The following ARHGAP5 variants were observed in gnomAD, a reference collection of about 807,000 sequenced individuals.
The protein encoded by ARHGAP5 is Rho GTPase activating protein 5, also known as rho GTPase-activating protein 5.
Under a neutral mutation model 116.6 loss-of-function variants are expected in ARHGAP5, and 23 were observed. That is an observed-to-expected ratio of 0.20 (90% CI 0.14 to 0.28). The LOEUF (loss-of-function observed/expected upper bound fraction) is 0.28. Among genes scored for constraint, ARHGAP5 ranks in the 10% least tolerant of loss-of-function variants. ARHGAP5 has a pLI of 1.00. For missense variants in ARHGAP5, 1,405 were observed against 1,774.8 expected (o/e 0.79, Z 3.74); for synonymous variants, 574 against 602.0 (o/e 0.95, Z 0.68).
chr14:32,099,010 T>C (rs1404086338), intron 2 of ARHGAP5, among the ~76,000 whole-genome samples: 3 of 152,136 alleles, frequency 2.0e-5, no homozygotes, highest in African/African-American at 7.2e-5. Context: ...AAGCGAATCA[T>C]GATGAAAACT....
At chr14:32,118,969 C>G (rs913805275) in intron 3 of ARHGAP5, among the ~76,000 whole-genome samples, 3 of 152,016 alleles carry the variant, frequency 2.0e-5, no homozygotes, top group African/African-American at 4.8e-5. Context: ...AAATGCAGGT[C>G]TAGTCCAATT....
intron 6 of ARHGAP5, chr14:32,153,895 A>T (rs1881771356): frequency 6.6e-6 from 1 of 152,106 alleles, no homozygotes; most frequent in Admixed American, 6.6e-5. Flanking sequence ...CTCAAAAAAA[A>T]AAAGGAAGAA....
intron 2 of ARHGAP5, among the ~76,000 whole-genome samples, chr14:32,114,209 C>T (rs1418076781): frequency 2.7e-5 from 4 of 149,806 alleles, no homozygotes; most frequent in African/African-American, 9.9e-5. Context: ...GCCTGGGCCA[C>T]AGAGCTAGAC....
intron 2 of ARHGAP5, among the ~76,000 whole-genome samples, chr14:32,105,752 CTT>C (rs909404917): frequency 6.6e-6 from 1 of 152,142 alleles, no homozygotes; most frequent in African/African-American, 2.4e-5. Flanking sequence ...CTTGTTTTGT[CTT>C]TTTATAACTA....
chr14:32,080,884 G>T (rs2041765445), intron 1 of ARHGAP5, among the ~76,000 whole-genome samples: 1 of 152,096 alleles, frequency 6.6e-6, no homozygotes, highest in Non-Finnish European at 1.5e-5. Flanking sequence ...TTACTTCATA[G>T]AATTATTACT....
At chr14:32,134,058 A>G (rs999676074) in intron 3 of ARHGAP5, among the ~76,000 whole-genome samples, 1 of 152,210 alleles carries the variant, frequency 6.6e-6, no homozygotes, top group Admixed American at 6.5e-5. Context: ...ATGAACATCA[A>G]TGCAAAAATC....
chr14:32,141,588 C>T (rs1026547958), intron 3 of ARHGAP5, among the ~76,000 whole-genome samples: 2 of 152,100 alleles, frequency 1.3e-5, no homozygotes, highest in East Asian at 1.9e-4. Flanking sequence ...CCATAACCTT[C>T]GTTATTTATT....
intron 2 of ARHGAP5, among the ~76,000 whole-genome samples, chr14:32,101,723 C>A (rs1878801928): frequency 6.6e-6 from 1 of 151,524 alleles, no homozygotes; most frequent in Non-Finnish European, 1.5e-5. Context: ...GTGGCTCACA[C>A]CTGTAATCCC....
Position 32,155,083 on chromosome 14 carries a change from A to G in ARHGAP5, c.*135A>G, listed in dbSNP as rs1881834758. The G allele has an allele frequency of 2.7e-6, 2 of 750,372 alleles. No homozygotes were observed. Among genetic ancestry groups the G allele is most frequent in the Non-Finnish European group, 4.2e-6 (2 of 475,670 alleles). 46.5% of individuals were successfully genotyped at this position (750,372 alleles called of 1,614,324 possible). ...AAATTACATTTTCTCTTTGAACTAGATGGTATTCCTTATTCACTTACATTA... is the reference window on the plus strand; with the variant it reads ...AAATTACATTTTCTCTTTGAACTAGGTGGTATTCCTTATTCACTTACATTA... On this transcript the variant is annotated 3_prime_UTR_variant, in exon 7 of 7. Transcript: ENST00000345122.
chr14:32,154,852 G>C lies in ARHGAP5; in HGVS notation c.4413G>C (p.Gln1471His), dbSNP rs1393594176. 1 of 1,614,154 alleles carries C rather than the reference G, an allele frequency of 6.2e-7. No individual in the cohort carries two copies. The highest frequency in any genetic ancestry group is 1.3e-5 in the African/African-American group (1 of 75,040). Residue 1471 changes from glutamine to histidine, a missense_variant, in exon 7 of 7, where the codon CAG (glutamine) becomes CAC (histidine). Physicochemically the swap from Gln to His is conservative, Grantham distance 24. Coordinates refer to ENST00000345122, the MANE Select transcript of ARHGAP5 (RefSeq NM_001030055.2). Reference protein sequence around the residue: ...VAPPPPSNPGQLVEPMVPLQL... With the variant: ...VAPPPPSNPGHLVEPMVPLQL... ...CTCCACCACCTTCAAACCCAGGACA[G>C]TTGGTGGAACCAATGGTGCCACTTC...
intron 3 of ARHGAP5, among the ~76,000 whole-genome samples, chr14:32,124,123 A>T (rs1344873515): frequency 6.6e-6 from 1 of 152,090 alleles, no homozygotes; most frequent in African/African-American, 2.4e-5. Flanking sequence ...CTCATAGACC[A>T]TTGTGATTCC....
intron 3 of ARHGAP5, among the ~76,000 whole-genome samples, chr14:32,127,975 G>A (rs904523134): frequency 1.1e-4 from 16 of 150,218 alleles, no homozygotes; most frequent in Non-Finnish European, 1.6e-4. Context: ...ACGGGGTGGC[G>A]GCCGGGCAGA....
chr14:32,117,293 A>C lies in ARHGAP5; in HGVS notation c.3865+6A>C. The C allele has an allele frequency of 2.5e-6, 4 of 1,571,136 alleles. No individual in the cohort carries two copies. The highest frequency in any genetic ancestry group is 3.5e-6 in the Non-Finnish European group (4 of 1,156,718). The stretch of plus-strand genomic sequence containing the variant: ...GGAATTTATTGAAGATACAGGTAGG[A>C]TAGAAGAATCATTGCAAGAGATTTG... On this transcript the variant is annotated splice_donor_region_variant and intron_variant, in intron 3 of 6. Transcript: ENST00000345122.
At chr14:32,087,124 C>CA (rs549469429) in intron 1 of ARHGAP5, among the ~76,000 whole-genome samples, 210 of 151,754 alleles carry the variant, frequency 1.4e-3, no homozygotes, top group African/African-American at 4.8e-3. Context: ...TAAGTTAACT[C>CA]AAACAGCCTT....
Position 32,091,039 on chromosome 14 carries a change from T to C in ARHGAP5, c.370T>C (p.Leu124=), listed in dbSNP as rs200755411. ...TATAAAACGTGCAGCTGCATCTAAA[T>C]TGCAGTCAGCAGAAAAACTAATGTA... ...PYIKRAAASK[L]QSAEKLMYIC... The change falls in exon 2 of 7, where the codon TTG becomes CTG. Residue 124 remains leucine (L), a synonymous_variant. Coordinates refer to ENST00000345122, the MANE Select transcript of ARHGAP5 (RefSeq NM_001030055.2). 1.2e-4 allele frequency: 194 copies of C among 1,613,478 alleles called. 3 individuals are homozygous for C. The highest frequency in any genetic ancestry group is 8.2e-4 in the Middle Eastern group (5 of 6,082).
intron 4 of ARHGAP5, among the ~76,000 whole-genome samples, chr14:32,147,402 A>T (rs1881427091): frequency 6.6e-6 from 1 of 152,246 alleles, no homozygotes. Flanking sequence ...ACATGAAAAT[A>T]TGCTTAGCCT....
At chr14:32,152,623 AG>A in intron 6 of ARHGAP5, 95 bp downstream of exon 6, 2 of 638,486 alleles carry the variant, frequency 3.1e-6, no homozygotes, top group Admixed American at 3.6e-5. Context: ...CAGATAGAAA[AG>A]GGGACTCAGA....
chr14:32,107,418 G>T (rs188653541), intron 2 of ARHGAP5, among the ~76,000 whole-genome samples: 4 of 151,730 alleles, frequency 2.6e-5, no homozygotes, highest in Admixed American at 2.0e-4. Flanking sequence ...ATAGTACTTC[G>T]TATATTAACA....
At chr14:32,085,859 A>C (rs1476179282) in intron 1 of ARHGAP5, among the ~76,000 whole-genome samples, 1 of 151,942 alleles carries the variant, frequency 6.6e-6, no homozygotes, top group East Asian at 1.9e-4. Context: ...TTTTTTTAAG[A>C]TGTCATAAAA....
Sources: gnomAD v4.1 joint callset for allele counts (sites outside exome capture counted in the v4.1 genomes callset) on GRCh38, gnomAD v4.1.1 for gene constraint, MANE v1.5 for transcripts, NCBI Gene and HGNC (gene_info 2026-07-23, HGNC 2026-07-21) for gene names.